The following SEZ6L variants were observed in gnomAD, a reference collection of about 807,000 sequenced individuals.
SEZ6L encodes seizure 6-like protein.
SEZ6L carries 37 observed loss-of-function variants against 106.2 expected under a neutral mutation model. That is an observed-to-expected ratio of 0.35 (90% CI 0.27 to 0.46). The LOEUF is 0.46. Ranked by LOEUF, SEZ6L falls within the 20% of genes least tolerant of loss-of-function variation. The probability of loss-of-function intolerance (pLI) is 1.00; values close to 1 mark genes in which losing one functional copy is unlikely to be tolerated. For missense variants in SEZ6L, 1,172 were observed against 1,332.8 expected (o/e 0.88, Z 1.88); for synonymous variants, 541 against 570.4 (o/e 0.95, Z 0.73).
rs138427483 is a variant in SEZ6L, at chr22:26,336,475, T to C, written c.2016-3961T>C. On this transcript the variant is annotated intron_variant, in intron 9 of 16. Transcript: ENST00000248933. ...AGCCAGACTTCAAAAGGCATTTGTA[T>C]GTTTGCTTGATCTCTGCATCTGGAG... Among the ~76,000 whole-genome samples, 108 of 152,240 alleles carry C rather than the reference T, an allele frequency of 7.1e-4. No individual in the cohort carries two copies. In the East Asian group the frequency reaches 0.013, roughly 18 times the overall value.
rs893680980 is a variant in SEZ6L, at chr22:26,246,981, G to A, written c.95-45425G>A. ...CATTCTCACAGTGCTGAGTGCGAAC[G>A]TGCTTTGCAGACTCTAGAAGGCTTT... On this transcript the variant is annotated intron_variant, in intron 1 of 16. Transcript: ENST00000248933. Among the ~76,000 whole-genome samples, 33 of 152,184 alleles carry A rather than the reference G, an allele frequency of 2.2e-4. 1 individual carries two copies. The highest frequency in any genetic ancestry group is 5.9e-4 in the Admixed American group (9 of 15,272).
rs144848715 is a variant in SEZ6L, at chr22:26,292,438, G to C, written c.127G>C (p.Gly43Arg). ...ALPEGDASPL[G>R]PYLLPSGAPE... The stretch of plus-strand genomic sequence containing the variant: ...TCCCGAGGGAGATGCTAGCCCTTTG[G>C]GTCCTTACCTCCTGCCCTCAGGAGC... Residue 43 changes from glycine (G) to arginine (R), a missense_variant, in exon 2 of 17, where the codon GGT becomes CGT. Around this residue, in one of 4 missense-constraint regions of SEZ6L, gnomAD observed 494 missense variants for 445.8 expected, o/e 1.11. Coordinates refer to ENST00000248933, the MANE Select transcript of SEZ6L (RefSeq NM_021115.5). The C allele has an allele frequency of 6.8e-5, 109 of 1,613,578 alleles. No individual in the cohort carries two copies. In the African/African-American group the frequency reaches 8.4e-4, roughly 12 times the overall value.
chr22:26,226,355 T>C (rs2078633538), intron 1 of SEZ6L, among the ~76,000 whole-genome samples: 1 of 152,232 alleles, frequency 6.6e-6, no homozygotes, highest in African/African-American at 2.4e-5. Flanking sequence ...AGCTGTTCCA[T>C]GGGCTTGCAA....
rs566054027 is a variant in SEZ6L at position 26,339,689 on chromosome 22, A to G, written c.2016-747A>G. 2.6e-5 allele frequency among the ~76,000 whole-genome samples: 4 copies of G among 152,318 alleles called. No homozygotes were observed. The East Asian group carries it at 7.7e-4, about 29-fold the overall frequency. On this transcript the variant is annotated intron_variant, in intron 9 of 16. Transcript: ENST00000248933. Reference sequence around the variant, plus strand: ...CTCTGAGGAATTTGCCCCGTGATAAATGGAAAGATCATTTCACCTTATATA... The same window carrying G: ...CTCTGAGGAATTTGCCCCGTGATAAGTGGAAAGATCATTTCACCTTATATA...
intron 9 of SEZ6L, 60 bp from the exon 10 acceptor site, chr22:26,340,376 G>T: frequency 6.8e-7 from 1 of 1,475,032 alleles, no homozygotes; most frequent in Non-Finnish European, 9.2e-7. Context: ...AGTTAATCAA[G>T]GGTTTATTGA....
chr22:26,227,165 G>C (rs2078658542), intron 1 of SEZ6L, among the ~76,000 whole-genome samples: 1 of 152,232 alleles, frequency 6.6e-6, no homozygotes, highest in South Asian at 2.1e-4. Context: ...TCTGCTGAAT[G>C]AGTGGCTGGA....
At chr22:26,375,765 C>A (rs5752313) in intron 15 of SEZ6L, 76 bp downstream of exon 15, 1 of 1,112,566 alleles carries the variant, frequency 9.0e-7, no homozygotes, top group Non-Finnish European at 1.3e-6. Flanking sequence ...GTTCACCTCT[C>A]TGAGCCTCAG....
chr22:26,220,214 T>C (rs547424092), intron 1 of SEZ6L, among the ~76,000 whole-genome samples: 3 of 152,308 alleles, frequency 2.0e-5, no homozygotes, highest in African/African-American at 7.2e-5. Flanking sequence ...ATGGACATCA[T>C]CATACATTGA....
intron 1 of SEZ6L, among the ~76,000 whole-genome samples, chr22:26,290,108 G>A (rs2081061352): frequency 6.6e-6 from 1 of 152,216 alleles, no homozygotes; most frequent in Non-Finnish European, 1.5e-5. Context: ...CCATTTGACA[G>A]CTGAGGGAAC....
intron 1 of SEZ6L, among the ~76,000 whole-genome samples, chr22:26,189,323 T>C (rs1443152353): frequency 6.6e-6 from 1 of 152,198 alleles, no homozygotes; most frequent in Non-Finnish European, 1.5e-5. Context: ...TGCATCTGAA[T>C]CAGTCTAACT....
chr22:26,375,484 C>T (rs992678755), intron 14 of SEZ6L, 91 bp from the exon 15 acceptor site: 11 of 983,860 alleles, frequency 1.1e-5, no homozygotes, highest in African/African-American at 6.4e-5. Context: ...CTTGGAAAGC[C>T]GTCTCCAAAG....
intron 1 of SEZ6L, among the ~76,000 whole-genome samples, chr22:26,256,345 C>T (rs1198240230): frequency 1.3e-5 from 2 of 152,206 alleles, no homozygotes; most frequent in African/African-American, 4.8e-5. Flanking sequence ...AGGAAACCAA[C>T]ATATGAATGA....
intron 1 of SEZ6L, among the ~76,000 whole-genome samples, chr22:26,273,779 G>A (rs1002772076): frequency 3.9e-5 from 6 of 152,332 alleles, no homozygotes; most frequent in Admixed American, 6.5e-5. Context: ...CTGGGCTGCC[G>A]TGGGGTGAGA....
chr22:26,351,410 A>G, intron 12 of SEZ6L, 167 bp downstream of exon 12: 1 of 557,016 alleles, frequency 1.8e-6, no homozygotes, highest in Non-Finnish European at 3.1e-6. Context: ...GAGCACACAT[A>G]CTATAACATT....
intron 1 of SEZ6L, among the ~76,000 whole-genome samples, chr22:26,221,824 T>G (rs764419862): frequency 6.6e-6 from 1 of 152,138 alleles, no homozygotes; most frequent in Non-Finnish European, 1.5e-5. Flanking sequence ...GATTTCTGCT[T>G]GGACCCAAGT....
chr22:26,219,258 T>TTTTG lies in SEZ6L; in HGVS notation c.94+49498_94+49499insGTTT, dbSNP rs1556124358. On this transcript the variant is annotated intron_variant, in intron 1 of 16. Transcript: ENST00000248933. ...GAAGATGTTCGAGAAATACAAGTTT[T>TTTTG]TTTTTTTTTTTTCGCTCCTGGCAAA... Among the ~76,000 whole-genome samples the TTTTG allele has an allele frequency of 5.3e-5, 8 of 151,420 alleles. No individual in the cohort carries two copies. In the East Asian group the frequency reaches 1.4e-3, roughly 26 times the overall value.
intron 1 of SEZ6L, among the ~76,000 whole-genome samples, chr22:26,226,385 C>G (rs1408239403): frequency 6.6e-6 from 1 of 152,230 alleles, no homozygotes; most frequent in Non-Finnish European, 1.5e-5. Flanking sequence ...CTCCAACTTT[C>G]ACCAAGTTCA....
chr22:26,197,405 G>A (rs906136715), intron 1 of SEZ6L, among the ~76,000 whole-genome samples: 6 of 152,128 alleles, frequency 3.9e-5, no homozygotes, highest in East Asian at 1.9e-4. Flanking sequence ...GTGGGTTTTC[G>A]CAGGTTGGGG....
chr22:26,380,489 G>A lies in SEZ6L; in HGVS notation c.*194G>A. ...AAGTGAAATAGGTGTGGGTTTGGAT[G>A]TTTCGCGGCCTCAGCCAAATTCATG... is the stretch of plus-strand genomic sequence containing the variant. On this transcript the variant is annotated 3_prime_UTR_variant, in exon 17 of 17. Transcript: ENST00000248933. 1 of 464,902 alleles carries A rather than the reference G, an allele frequency of 2.2e-6. No individual in the cohort carries two copies. Among genetic ancestry groups the A allele is most frequent in the Non-Finnish European group, 3.8e-6 (1 of 262,652 alleles). 28.8% of individuals were successfully genotyped at this position (464,902 alleles called of 1,614,324 possible).
Sources: gnomAD v4.1 joint callset for allele counts (sites outside exome capture counted in the v4.1 genomes callset) on GRCh38, gnomAD v4.1.1 for gene constraint, gnomAD v4.1.1 regional missense constraint, MANE v1.5 for transcripts, NCBI Gene and HGNC (gene_info 2026-07-23, HGNC 2026-07-21) for gene names.